Variants in C11orf65 observed in about 807,000 individuals in gnomAD.
C11orf65 encodes the protein protein MFI.
C11orf65 carries 38 observed loss-of-function variants against 35.3 expected under a neutral mutation model. The ratio of observed to expected loss-of-function variants is 1.08; its 90% CI spans 0.83 to 1.41. C11orf65 has a LOEUF of 1.41. C11orf65 is among the 40% of genes most tolerant of loss of function. The pLI is 0.00. For missense variants in C11orf65, 370 were observed against 367.1 expected, an observed-to-expected ratio of 1.01 and a Z score of -0.06; for synonymous variants, 105 against 114.4, an observed-to-expected ratio of 0.92 and a Z score of 0.53.
At chr11:108,407,375 G>C (rs2092561119) in intron 3 of C11orf65, among the ~76,000 whole-genome samples, 1 of 152,020 alleles carries the variant, frequency 6.6e-6, no homozygotes, top group African/African-American at 2.4e-5. Flanking sequence ...GCGGTGGCAT[G>C]ATCTCAGCTC....
intron 2 of C11orf65, among the ~76,000 whole-genome samples, chr11:108,375,844 T>C (rs1043647794): frequency 4.3e-4 from 66 of 152,142 alleles, no homozygotes; most frequent in African/African-American, 1.6e-3. Flanking sequence ...TACTAGTCTC[T>C]GATAAAACAG....
chr11:108,464,266 C>T (rs1187298320), intron 1 of C11orf65, among the ~76,000 whole-genome samples: 1 of 152,004 alleles, frequency 6.6e-6, no homozygotes, highest in Non-Finnish European at 1.5e-5. Flanking sequence ...AGTGGAATTG[C>T]TATGACAAAA....
rs2136242830 is a variant in C11orf65 at position 108,321,404 on chromosome 11, G to A, written c.641-12333C>T. 6.2e-7 allele frequency: 1 copy of A among 1,614,106 alleles called. No individual in the cohort carries two copies. The highest frequency in any genetic ancestry group is 1.1e-5 in the South Asian group (1 of 91,088). On this transcript the variant is annotated intron_variant, in intron 6 of 6. Coordinates refer to the C11orf65 transcript ENST00000525729. ...GGCCATTGGAGAGCTGGAAAGCATTGGGGAGCTTTTCTCAAGGTATGTAAT... is the reference window on the plus strand; with the variant it reads ...GGCCATTGGAGAGCTGGAAAGCATTAGGGAGCTTTTCTCAAGGTATGTAAT...
chr11:108,468,124 G>A (rs2093558723), upstream of C11orf65, among the ~76,000 whole-genome samples: 1 of 152,116 alleles, frequency 6.6e-6, no homozygotes, highest in Non-Finnish European at 1.5e-5. Context: ...AGGATTACAG[G>A]CGTGAACCAC....
At chr11:108,329,692 T>A (rs1268708316), downstream of C11orf65, among the ~76,000 whole-genome samples, 1 of 152,346 alleles carries the variant, frequency 6.6e-6, no homozygotes, top group African/African-American at 2.4e-5. Flanking sequence ...ATTACAGGTG[T>A]GAGGCACTGT....
intron 2 of C11orf65, among the ~76,000 whole-genome samples, chr11:108,348,270 A>G (rs2088717686): frequency 6.6e-6 from 1 of 151,870 alleles, no homozygotes; most frequent in African/African-American, 2.4e-5. Flanking sequence ...ATATATAGCT[A>G]AGGAATATAT....
intron 6 of C11orf65, among the ~76,000 whole-genome samples, chr11:108,315,160 G>A (rs180987555): frequency 6.6e-6 from 1 of 152,200 alleles, no homozygotes; most frequent in Non-Finnish European, 1.5e-5. Context: ...AACTGCTCAT[G>A]TGGAAATTAT....
rs560509059 is a variant in C11orf65 at position 108,361,827 on chromosome 11, C to A, written c.227-26535G>T. Among the ~76,000 whole-genome samples the A allele has an allele frequency of 5.9e-5, 9 of 152,154 alleles. No homozygotes were observed. In the South Asian group the frequency reaches 8.3e-4, roughly 14 times the overall value. On this transcript the variant is annotated intron_variant, in intron 2 of 3. Coordinates refer to the C11orf65 transcript ENST00000524755. ...ATGGATTAAAGACTTAAACGTTAGA[C>A]CTAATACCATAAAAACCCTAGAAGA...
At chr11:108,417,139 A>T (rs1190201116) in intron 3 of C11orf65, among the ~76,000 whole-genome samples, 1 of 152,236 alleles carries the variant, frequency 6.6e-6, no homozygotes, top group Non-Finnish European at 1.5e-5. Context: ...GTAAATAGTA[A>T]CAGGGTAGAT....
At chr11:108,377,384 T>G (rs1263772672) in intron 2 of C11orf65, among the ~76,000 whole-genome samples, 2 of 152,076 alleles carry the variant, frequency 1.3e-5, no homozygotes, top group Non-Finnish European at 2.9e-5. Context: ...AAAAAACACA[T>G]GATTATCTCA....
intron 2 of C11orf65, among the ~76,000 whole-genome samples, chr11:108,449,079 G>C (rs893097207): frequency 5.3e-5 from 8 of 152,264 alleles, no homozygotes; most frequent in African/African-American, 1.9e-4. Flanking sequence ...ACTTACAAGG[G>C]ATGTGAAGGA....
intron 3 of C11orf65, among the ~76,000 whole-genome samples, chr11:108,417,106 A>G (rs1287472655): frequency 6.6e-6 from 1 of 152,246 alleles, no homozygotes; most frequent in African/African-American, 2.4e-5. Context: ...AAAAGAACGT[A>G]GAACGTCTGA....
At chr11:108,401,262 C>T (rs2092433989) in intron 6 of C11orf65, among the ~76,000 whole-genome samples, 1 of 151,712 alleles carries the variant, frequency 6.6e-6, no homozygotes, top group Non-Finnish European at 1.5e-5. Flanking sequence ...GAAACAAACA[C>T]ACAATTCCCT....
chr11:108,385,240 T>G (rs751851031), intron 8 of C11orf65, among the ~76,000 whole-genome samples: 3 of 152,110 alleles, frequency 2.0e-5, no homozygotes, highest in Non-Finnish European at 2.9e-5. Flanking sequence ...CACAGCTAAT[T>G]TTTGTATTTT....
intron 6 of C11orf65, among the ~76,000 whole-genome samples, chr11:108,318,517 C>T (rs920051043): frequency 6.6e-5 from 10 of 151,948 alleles, no homozygotes; most frequent in Admixed American, 2.6e-4. Flanking sequence ...TGGTGAAACT[C>T]CATCTCTACT....
At chr11:108,422,036 A>T (rs1176450734) in intron 3 of C11orf65, among the ~76,000 whole-genome samples, 2 of 151,982 alleles carry the variant, frequency 1.3e-5, no homozygotes, top group African/African-American at 4.8e-5. Context: ...GGCCCAAGCG[A>T]TTCTCCTGTC....
Position 108,310,168 on chromosome 11 carries a change from C to T in C11orf65, c.641-1097G>A, listed in dbSNP as rs876658831. On this transcript the variant is annotated intron_variant, in intron 6 of 6. Transcript: ENST00000525729. ...ATCTCATTTTTCTTTAGACCTTCTTCAGGAACAATTTTTAATGATGCTTTC... is the reference window on the plus strand; with the variant it reads ...ATCTCATTTTTCTTTAGACCTTCTTTAGGAACAATTTTTAATGATGCTTTC... 1.2e-6 allele frequency: 2 copies of T among 1,613,236 alleles called. No individual in the cohort carries two copies. Among genetic ancestry groups the T allele is most frequent in the African/African-American group, 1.3e-5 (1 of 74,978 alleles).
chr11:108,409,388 G>A (rs540101504), intron 3 of C11orf65, among the ~76,000 whole-genome samples: 1 of 152,182 alleles, frequency 6.6e-6, no homozygotes, highest in African/African-American at 2.4e-5. Flanking sequence ...GAGGTCATGA[G>A]GTATATATGG....
At chr11:108,314,577 C>T (rs2084456792) in intron 6 of C11orf65, among the ~76,000 whole-genome samples, 1 of 151,936 alleles carries the variant, frequency 6.6e-6, no homozygotes, top group African/African-American at 2.4e-5. Flanking sequence ...GACCAGTCTA[C>T]TGTGTTGCTG....
Sources: gnomAD v4.1 joint callset for allele counts (sites outside exome capture counted in the v4.1 genomes callset) on GRCh38, gnomAD v4.1.1 for gene constraint, MANE v1.5 for transcripts, NCBI Gene and HGNC (gene_info 2026-07-23, HGNC 2026-07-21) for gene names.